The following CNTNAP3B variants were observed in gnomAD, a reference collection of about 807,000 sequenced individuals.
CNTNAP3B encodes contactin-associated protein-like 3B.
CNTNAP3B carries 25 observed loss-of-function variants against 108.9 expected under a neutral mutation model. That is an observed-to-expected ratio of 0.23 (90% confidence interval 0.17 to 0.32). The LOEUF is 0.32. Among genes scored for constraint, CNTNAP3B ranks in the 10% least tolerant of loss-of-function variants. The probability of loss-of-function intolerance (pLI) is 1.00; values close to 1 mark genes in which losing one functional copy is unlikely to be tolerated. For missense variants in CNTNAP3B, 252 were observed against 1,210.4 expected (o/e 0.21, Z 11.75); for synonymous variants, 103 against 473.4 (o/e 0.22, Z 10.16).
intron 13 of CNTNAP3B, among the ~76,000 whole-genome samples, chr9:41,943,451 C>T (rs1415215389): frequency 2.7e-5 from 4 of 148,716 alleles, no homozygotes; most frequent in Non-Finnish European, 5.9e-5. Context: ...CTCCTGGGTT[C>T]ACGCCATTCT....
intron 8 of CNTNAP3B, among the ~76,000 whole-genome samples, chr9:41,990,104 G>C (rs1825779055): frequency 7.9e-6 from 1 of 125,988 alleles, no homozygotes; most frequent in Non-Finnish European, 1.7e-5. Flanking sequence ...ATTAGCAATT[G>C]CCTGAAATGT....
At chr9:41,913,403 T>C (rs1210980311) in intron 18 of CNTNAP3B, among the ~76,000 whole-genome samples, 4 of 151,762 alleles carry the variant, frequency 2.6e-5, no homozygotes, top group African/African-American at 7.3e-5. Context: ...TCTTTTTCTA[T>C]GTGTTTCATT....
rs1294800553 is a variant in CNTNAP3B at position 42,086,020 on chromosome 9, A to C, written c.197-8958T>G. Reference sequence around the variant, plus strand: ...GTATTAGTCCATCTTCACACTGCTGATGAAGACATATCTGAGACTGGGTAA... The same window carrying C: ...GTATTAGTCCATCTTCACACTGCTGCTGAAGACATATCTGAGACTGGGTAA... On this transcript the variant is annotated intron_variant, in intron 2 of 23. Transcript: ENST00000377561. 5.7e-4 allele frequency among the ~76,000 whole-genome samples: 80 copies of C among 140,184 alleles called. 10 individuals carry two copies. Among genetic ancestry groups the C allele is most frequent in the Admixed American group, 9.2e-4 (13 of 14,114 alleles). 92.0% of individuals were successfully genotyped at this position (140,184 alleles called of 152,430 possible).
chr9:41,931,404 C>T (rs1212143414), intron 14 of CNTNAP3B, among the ~76,000 whole-genome samples: 1 of 152,264 alleles, frequency 6.6e-6, no homozygotes, highest in African/African-American at 2.4e-5. Flanking sequence ...CTATCAAATA[C>T]TAGAATTTCT....
chr9:41,935,203 C>G (rs1315042782), intron 14 of CNTNAP3B, among the ~76,000 whole-genome samples: 19 of 152,382 alleles, frequency 1.2e-4, no homozygotes, highest in African/African-American at 4.1e-4. Flanking sequence ...ATAGAATATT[C>G]TTACTGTGCC....
intron 1 of CNTNAP3B, among the ~76,000 whole-genome samples, chr9:42,110,339 G>C (rs1213869729): frequency 1.5e-5 from 2 of 136,912 alleles, no homozygotes; most frequent in Admixed American, 1.5e-4. Context: ...GCTCCTCACT[G>C]TGAAAGGAGC....
At chr9:41,964,938 C>T (rs1413041957) in intron 10 of CNTNAP3B, among the ~76,000 whole-genome samples, 1 of 152,222 alleles carries the variant, frequency 6.6e-6, no homozygotes, top group Non-Finnish European at 1.5e-5. Context: ...AAACCAATTA[C>T]ACACATAAAA....
At chr9:42,011,789 C>T (rs1378540188) in intron 4 of CNTNAP3B, among the ~76,000 whole-genome samples, 1 of 93,252 alleles carries the variant, frequency 1.1e-5, no homozygotes, top group Non-Finnish European at 2.2e-5. Flanking sequence ...GGTTGTATTA[C>T]TGTCAACAAC....
At chr9:41,935,060 T>G (rs1340510806) in intron 14 of CNTNAP3B, among the ~76,000 whole-genome samples, 43 of 152,308 alleles carry the variant, frequency 2.8e-4, no homozygotes, top group Admixed American at 2.5e-3. Flanking sequence ...AATATATTGG[T>G]CTATTTGAAC....
At chr9:42,114,800 A>G (rs1457298751) in intron 1 of CNTNAP3B, among the ~76,000 whole-genome samples, 2 of 138,198 alleles carry the variant, frequency 1.4e-5, no homozygotes, top group African/African-American at 5.8e-5. Context: ...GAATATTTAC[A>G]GTGAGACTGG....
chr9:41,979,996 A>C (rs1332916590), intron 9 of CNTNAP3B: 3 of 75,486 alleles, frequency 4.0e-5, no homozygotes, highest in African/African-American at 1.9e-4. Context: ...TTTAGAACTG[A>C]ATGGGAATGT....
intron 2 of CNTNAP3B, among the ~76,000 whole-genome samples, chr9:42,077,583 A>G (rs1271557572): frequency 1.5e-5 from 2 of 132,120 alleles, no homozygotes; most frequent in Non-Finnish European, 3.2e-5. Flanking sequence ...TGATTTCACA[A>G]AAGTACAGAG....
rs1187685572 is a variant in CNTNAP3B at position 41,922,268 on chromosome 9, A to G, written c.2755+409T>C. On this transcript the variant is annotated intron_variant, in intron 17 of 23. Coordinates refer to ENST00000377561, the MANE Select transcript of CNTNAP3B (RefSeq NM_001201380.3). ...ATCATCAGGTCAAGAGATCACGACC[A>G]TCCTGGCCAACATGGTAAAACTGTG... Among the ~76,000 whole-genome samples, 3 of 124,628 alleles carry G rather than the reference A, an allele frequency of 2.4e-5. No homozygotes were observed. The South Asian group carries it at 7.6e-4, about 31-fold the overall frequency. The allele number at this position is 124,628 out of a possible 152,430, so 81.8% of individuals were successfully genotyped here. A position where few individuals can be genotyped will look rare whatever the true frequency, so the allele number is the denominator to read the frequency against.
intron 1 of CNTNAP3B, among the ~76,000 whole-genome samples, chr9:42,116,732 T>A (rs1187433844): frequency 2.9e-5 from 4 of 139,302 alleles, no homozygotes; most frequent in Non-Finnish European, 4.6e-5. Context: ...GAGTGGCAAA[T>A]TGGATAAAGA....
rs868017946 is a variant in CNTNAP3B at position 41,948,727 on chromosome 9, C to A, written c.2080+4456G>T. Among the ~76,000 whole-genome samples, 425 of 144,106 alleles carry A rather than the reference C, an allele frequency of 2.9e-3. 1 individual carries two copies. The highest frequency in any genetic ancestry group is 7.7e-3 in the East Asian group (37 of 4,802). The allele number at this position is 144,106 out of a possible 152,430, so 94.5% of individuals were successfully genotyped here. A position where few individuals can be genotyped will look rare whatever the true frequency, so the allele number is the denominator to read the frequency against. On this transcript the variant is annotated intron_variant, in intron 13 of 23. Transcript: ENST00000377561. ...AAAGAAGAAATATAATATTTTAATACCAATTGACACAGAAAAGACATTTGA... is the reference window on the plus strand; with the variant it reads ...AAAGAAGAAATATAATATTTTAATAACAATTGACACAGAAAAGACATTTGA...
chr9:41,967,666 G>A (rs1420925750), intron 10 of CNTNAP3B, among the ~76,000 whole-genome samples: 1 of 152,266 alleles, frequency 6.6e-6, no homozygotes, highest in Non-Finnish European at 1.5e-5. Flanking sequence ...GAACAGCAAA[G>A]GTCTTTAATT....
intron 13 of CNTNAP3B, among the ~76,000 whole-genome samples, chr9:41,943,533 T>C (rs1824428944): frequency 6.6e-6 from 1 of 151,856 alleles, no homozygotes; most frequent in Non-Finnish European, 1.5e-5. Context: ...TTTGTATTTT[T>C]AGTAGAGACG....
intron 13 of CNTNAP3B, among the ~76,000 whole-genome samples, chr9:41,943,570 T>C (rs1824430847): frequency 6.6e-6 from 1 of 151,460 alleles, no homozygotes; most frequent in Non-Finnish European, 1.5e-5. Flanking sequence ...GCCAGGATGG[T>C]CTGGATCTCC....
chr9:42,079,731 A>T (rs1827572203), intron 2 of CNTNAP3B, among the ~76,000 whole-genome samples: 1 of 138,074 alleles, frequency 7.2e-6, no homozygotes, highest in Non-Finnish European at 1.5e-5. Flanking sequence ...CACGTTGGCC[A>T]GGATGGTCTT....
Sources: gnomAD v4.1 joint callset for allele counts (sites outside exome capture counted in the v4.1 genomes callset) on GRCh38, gnomAD v4.1.1 for gene constraint, MANE v1.5 for transcripts, NCBI Gene and HGNC (gene_info 2026-07-23, HGNC 2026-07-21) for gene names.